ARHGEF11: variants seen among roughly 807,000 people sequenced by gnomAD.
ARHGEF11 encodes the protein Rho guanine exchange factor (GEF) 11.
Under a neutral mutation model 193.7 loss-of-function variants are expected in ARHGEF11, and 55 were observed. The observed-to-expected ratio is 0.28, with a 90% confidence interval of 0.23 to 0.36. The LOEUF is 0.36. Ranked by LOEUF, ARHGEF11 falls within the 10% of genes least tolerant of loss-of-function variation. The pLI, the probability that ARHGEF11 is intolerant of heterozygous loss-of-function variation, is 1.00. For synonymous variants in ARHGEF11, 693 were observed against 768.0 expected (o/e 0.90, Z 1.62); for missense variants, 1,723 against 2,005.6 (o/e 0.86, Z 2.69).
chr1:156,940,806 C>T (rs79441377), intron 35 of ARHGEF11, among the ~76,000 whole-genome samples: 3,060 of 152,160 alleles, frequency 0.02, 56 homozygotes, highest in South Asian at 0.056. Context: ...GGAATGAAGA[C>T]GTGAAGGAGG....
chr1:156,944,120 T>C lies in ARHGEF11; in HGVS notation c.3068-18A>G, dbSNP rs770827339. Reference sequence around the variant, plus strand: ...GTGGAGGTCTGGAGGGGTATGGTCATGGGAAGGTGTTCCCTGGTGCCTACT... The same window carrying C: ...GTGGAGGTCTGGAGGGGTATGGTCACGGGAAGGTGTTCCCTGGTGCCTACT... On this transcript the variant is annotated intron_variant, in intron 31 of 40. Coordinates refer to ENST00000368194, the MANE Select transcript of ARHGEF11 (RefSeq NM_198236.3). The C allele has an allele frequency of 6.2e-7, 1 of 1,610,074 alleles. No individual in the cohort carries two copies. Among genetic ancestry groups the C allele is most frequent in the African/African-American group, 1.3e-5 (1 of 74,888 alleles).
rs554196438 is a variant in ARHGEF11 at position 156,983,389 on chromosome 1, T to C, written c.223+950A>G. Among the ~76,000 whole-genome samples the C allele has an allele frequency of 3.9e-5, 6 of 152,094 alleles. 1 individual carries two copies. The highest frequency in any genetic ancestry group is 7.4e-5 in the Non-Finnish European group (5 of 67,980). ...GGCGCCTGCCACCACGCCTGGCTAATTTCTTTGTATTTTTAGTAGAGACAG... is the reference window on the plus strand; with the variant it reads ...GGCGCCTGCCACCACGCCTGGCTAACTTCTTTGTATTTTTAGTAGAGACAG... On this transcript the variant is annotated intron_variant, in intron 3 of 40. Coordinates refer to ENST00000368194, the MANE Select transcript of ARHGEF11 (RefSeq NM_198236.3).
intron 1 of ARHGEF11, among the ~76,000 whole-genome samples, chr1:157,038,643 C>A (rs1172776600): frequency 6.6e-6 from 1 of 152,180 alleles, no homozygotes; most frequent in African/African-American, 2.4e-5. Context: ...GCAAGAGGAT[C>A]CCTTGAAGTC....
In ARHGEF11 at chr1:156,937,254, G is replaced by A. The variant is rs762882489; in HGVS notation, c.4435C>T (p.Leu1479Phe). Reference protein sequence around the residue: ...IEQLTLKLNRLKDMELAHREL... With the variant: ...IEQLTLKLNRFKDMELAHREL... ...CCAAGCCCTGCTTCCCTCACCTTGA[G>A]CCTGTTGAGCTTGAGAGTGAGCTGC... Residue 1479 changes from leucine to phenylalanine, a missense_variant, in exon 39 of 41, where the codon CTC becomes TTC. Around this residue, in one of 5 missense-constraint regions of ARHGEF11, gnomAD observed 360 missense variants for 344.4 expected, o/e 1.05. Transcript: ENST00000368194. 3 of 1,613,870 alleles carry A rather than the reference G, an allele frequency of 1.9e-6. No individual in the cohort carries two copies. The highest frequency in any genetic ancestry group is 2.2e-5 in the South Asian group (2 of 91,068).
chr1:157,020,169 C>T (rs1669800659), intron 1 of ARHGEF11, among the ~76,000 whole-genome samples: 1 of 150,310 alleles, frequency 6.7e-6, no homozygotes, highest in African/African-American at 2.4e-5. Context: ...TACAAAGGAA[C>T]ATGAGGAAAC....
intron 7 of ARHGEF11, among the ~76,000 whole-genome samples, chr1:156,976,498 A>G (rs1248427890): frequency 6.6e-6 from 1 of 152,172 alleles, no homozygotes; most frequent in East Asian, 1.9e-4. Flanking sequence ...AGTGTTTTAT[A>G]TATGGTGGCA....
intron 4 of ARHGEF11, 139 bp downstream of exon 4, chr1:156,980,298 C>T (rs1013021736): frequency 1.2e-5 from 12 of 965,906 alleles, no homozygotes; most frequent in Middle Eastern, 2.8e-4. Context: ...TGTGCTCCCT[C>T]GTATGGTACC....
At position 156,985,778 on chromosome 1, in the gene ARHGEF11, C is replaced by T. The variant is rs556190059; in HGVS notation, c.124+304G>A. 20 of 179,286 alleles carry T rather than the reference C, an allele frequency of 1.1e-4. No individual in the cohort carries two copies. The East Asian group carries it at 2.0e-3, about 18-fold the overall frequency. The allele number at this position is 179,286 out of a possible 1,614,324, so 11.1% of individuals were successfully genotyped here. On this transcript the variant is annotated intron_variant, in intron 2 of 40. Transcript: ENST00000368194. The stretch of plus-strand genomic sequence containing the variant: ...AGAGATGGAGTATCACTATGTTGCC[C>T]GGGCTGGAGTACAGTGGTTATTCAT...
Position 156,947,437 on chromosome 1 carries a change from A to C in ARHGEF11, c.2355T>G (p.Thr785=). The C allele has an allele frequency of 6.2e-7, 1 of 1,606,004 alleles. No individual in the cohort carries two copies. Among genetic ancestry groups the C allele is most frequent in the Non-Finnish European group, 8.5e-7 (1 of 1,177,168 alleles). The stretch of plus-strand genomic sequence containing the variant: ...GGAGTGTGCGCAGGTGGGAAGCTTC[A>C]GTCACAAACAGCTCTGAGCGGTGGT... ...RQEVINELFV[T]EASHLRTLRV... is the part of the protein sequence containing the mutation. Residue 785 remains threonine (T), a synonymous_variant, in exon 26 of 41, where the codon ACT becomes ACG. Transcript: ENST00000368194.
Position 157,028,591 on chromosome 1 carries a change from C to A in ARHGEF11, c.32+15708G>T, listed in dbSNP as rs770290052. On this transcript the variant is annotated intron_variant, in intron 1 of 40. Coordinates refer to ENST00000368194, the MANE Select transcript of ARHGEF11 (RefSeq NM_198236.3). ...TTTGAATCGATCTCAGAGATCAAAT[C>A]CAACTTTCCCACTTTACAATTGATA... 4.6e-5 allele frequency among the ~76,000 whole-genome samples: 7 copies of A among 152,178 alleles called. No individual in the cohort carries two copies. The South Asian group carries it at 1.5e-3, about 32-fold the overall frequency.
intron 1 of ARHGEF11, among the ~76,000 whole-genome samples, chr1:157,013,715 C>T (rs1192048733): frequency 1.3e-5 from 2 of 152,180 alleles, no homozygotes; most frequent in Non-Finnish European, 2.9e-5. Context: ...CTTGACATTG[C>T]TCACAATACT....
At chr1:156,984,487 T>C (rs1664649547) in intron 2 of ARHGEF11, 50 bp from the exon 3 acceptor site, 1 of 1,447,120 alleles carries the variant, frequency 6.9e-7, no homozygotes, top group African/African-American at 1.4e-5. Context: ...GGGAGGTTAG[T>C]GTACACATGC....
intron 1 of ARHGEF11, among the ~76,000 whole-genome samples, chr1:157,007,387 C>T (rs1013576966): frequency 5.9e-5 from 9 of 152,200 alleles, no homozygotes; most frequent in Non-Finnish European, 1.2e-4. Context: ...ATCAGATCGT[C>T]TTAGGGGTTG....
At chr1:156,990,222 T>C (rs1050974639) in intron 1 of ARHGEF11, among the ~76,000 whole-genome samples, 3 of 152,232 alleles carry the variant, frequency 2.0e-5, no homozygotes, top group East Asian at 3.8e-4. Flanking sequence ...AGTAATCTTG[T>C]TGAATGTCCT....
In ARHGEF11 at chr1:156,986,087, G is replaced by A; in HGVS notation, c.119C>T (p.Thr40Ile). 1 of 1,613,486 alleles carries A rather than the reference G, an allele frequency of 6.2e-7. No individual in the cohort carries two copies. The highest frequency in any genetic ancestry group is 8.5e-7 in the Non-Finnish European group (1 of 1,179,500). ...TTAATGCCCAAGGAGGTTACCTGTT[G>A]TCTCAGAGGCATCCGAAGGCTGGCG... Reference protein sequence around the residue: ...HHRQPSDASETTGLVQRCVII... With the variant: ...HHRQPSDASEITGLVQRCVII... The change falls in exon 2 of 41, where the codon ACA (threonine) becomes ATA (isoleucine). Residue 40 changes from threonine (T) to isoleucine (I), a missense_variant. Transcript: ENST00000368194.
Position 156,939,638 on chromosome 1 carries a change from C to A in ARHGEF11, c.4006G>T (p.Gly1336Trp). The A allele has an allele frequency of 6.2e-7, 1 of 1,613,868 alleles. No individual in the cohort carries two copies. The highest frequency in any genetic ancestry group is 8.5e-7 in the Non-Finnish European group (1 of 1,180,026). ...EHLPPRTRNS[G>W]IWESPELDRN... The stretch of plus-strand genomic sequence containing the variant: ...TCCAGTTCTGGAGACTCCCATATCC[C>A]AGAATTTCTGGTCCTTGGGGGTAGG... The change falls in exon 37 of 41, where the codon GGG becomes TGG. Residue 1336 changes from glycine to tryptophan, a missense_variant. By Grantham distance (184) the Gly-to-Trp change is radical. Around this residue, in one of 5 missense-constraint regions of ARHGEF11, gnomAD observed 360 missense variants for 344.4 expected, o/e 1.05. Transcript: ENST00000368194.
At chr1:156,970,064 G>T in intron 8 of ARHGEF11, 21 bp from the exon 9 acceptor site, 1 of 1,612,052 alleles carries the variant, frequency 6.2e-7, no homozygotes, top group South Asian at 1.1e-5. Context: ...AAGGCCCACA[G>T]GGTGGGCAAA....
At chr1:156,972,380 A>G (rs1023142462) in intron 7 of ARHGEF11, among the ~76,000 whole-genome samples, 3 of 152,218 alleles carry the variant, frequency 2.0e-5, no homozygotes, top group Non-Finnish European at 4.4e-5. Context: ...TACTAGCTGT[A>G]TAGACTTGGG....
chr1:156,996,517 G>T (rs1666509725), intron 1 of ARHGEF11, among the ~76,000 whole-genome samples: 1 of 152,072 alleles, frequency 6.6e-6, no homozygotes, highest in Non-Finnish European at 1.5e-5. Context: ...AACAAGGAGT[G>T]TAACAAGAGA....
Sources: allele counts gnomAD v4.1 joint callset (sites outside exome capture counted in the v4.1 genomes callset), GRCh38; gene constraint gnomAD v4.1.1; regional missense constraint gnomAD v4.1.1; transcripts MANE v1.5; gene names NCBI Gene and HGNC (gene_info 2026-07-23, HGNC 2026-07-21).